Variants in PCIF1 observed in about 807,000 individuals in gnomAD.
PCIF1 encodes the protein mRNA (2'-O-methyladenosine-N(6)-)-methyltransferase.
A neutral mutation model predicts 86.9 loss-of-function variants in PCIF1; 12 were observed. The ratio of observed to expected loss-of-function variants is 0.14; its 90% CI spans 0.09 to 0.22. The LOEUF is 0.22. PCIF1 is among the 10% of genes least tolerant of loss of function. The pLI is 1.00. For synonymous variants in PCIF1, 397 were observed against 372.0 expected (o/e 1.07, Z -0.77); for missense variants, 701 against 951.1 (o/e 0.74, Z 3.46).
At chr20:45,939,601 C>T (rs548278820) in intron 4 of PCIF1, among the ~76,000 whole-genome samples, 26 of 152,370 alleles carry the variant, frequency 1.7e-4, no homozygotes, top group Middle Eastern at 6.8e-3. Flanking sequence ...GACTTGCTCC[C>T]TACGGTCGCA....
intron 12 of PCIF1, 41 bp from the exon 13 acceptor site, chr20:45,945,988 G>T (rs779199095): frequency 1.2e-6 from 2 of 1,613,216 alleles, no homozygotes; most frequent in Admixed American, 1.7e-5. Flanking sequence ...GGACATGAGG[G>T]AGCACTGCTG....
intron 7 of PCIF1, 67 bp downstream of exon 7, chr20:45,941,274 G>A (rs1360417511): frequency 6.5e-7 from 1 of 1,531,390 alleles, no homozygotes; most frequent in Non-Finnish European, 8.8e-7. Flanking sequence ...GGTTTGGCCA[G>A]GCCAGTTTGG....
chr20:45,936,536 A>G (rs1342439145), intron 1 of PCIF1, among the ~76,000 whole-genome samples: 2 of 151,052 alleles, frequency 1.3e-5, no homozygotes, highest in African/African-American at 4.9e-5. Context: ...CCCAGGCTGG[A>G]GCACAGTGGC....
In PCIF1 at chr20:45,947,631, G is replaced by T. The variant is rs763744042; in HGVS notation, c.1991G>T (p.Ser664Ile). The change falls in exon 17 of 17, where the codon AGT (serine) becomes ATT (isoleucine). Residue 664 changes from serine (S) to isoleucine (I), a missense_variant. Transcript: ENST00000372409. The surrounding 1 kb of genome is among the most constrained non-coding windows in gnomAD (Gnocchi z 5.4). ...APTPERLQEL[S>I]AAYRQSGRSH... ...ACGCCTGAACGGCTGCAGGAGCTGA[G>T]TGCTGCCTACCGGCAGTCAGGCCGC... is the stretch of plus-strand genomic sequence containing the variant. 4 of 1,612,712 alleles carry T rather than the reference G, an allele frequency of 2.5e-6. No homozygotes were observed. In the Admixed American group the frequency reaches 6.7e-5, roughly 27 times the overall value.
At chr20:45,944,592 T>C (rs543272587) in intron 10 of PCIF1, among the ~76,000 whole-genome samples, 7 of 152,352 alleles carry the variant, frequency 4.6e-5, no homozygotes, top group African/African-American at 1.7e-4. Flanking sequence ...TGGCATTTAT[T>C]GTACACTTAC....
intron 7 of PCIF1, among the ~76,000 whole-genome samples, chr20:45,942,793 T>TTG (rs888926033): frequency 1.4e-5 from 2 of 146,152 alleles, no homozygotes; most frequent in African/African-American, 2.6e-5. Flanking sequence ...TTTTTTTTTT[T>TTG]GTAGAGACAG....
In PCIF1 at chr20:45,935,843, A is replaced by G. The variant is rs192728522; in HGVS notation, c.-188+1039A>G. 4.3e-3 allele frequency among the ~76,000 whole-genome samples: 655 copies of G among 151,052 alleles called. 2 individuals carry two copies. The highest frequency in any genetic ancestry group is 0.01 in the Middle Eastern group (3 of 294). ...TCTGATTTTTTTTTTTTTTTTACAA[A>G]CTCCAAGATGATTCTGATGCACAGC... On this transcript the variant is annotated intron_variant, in intron 1 of 16. Coordinates refer to ENST00000372409, the MANE Select transcript of PCIF1 (RefSeq NM_022104.4).
intron 1 of PCIF1, among the ~76,000 whole-genome samples, chr20:45,936,978 G>C (rs1036396494): frequency 2.7e-4 from 41 of 152,146 alleles, no homozygotes; most frequent in African/African-American, 9.9e-4. Context: ...GTAGAGCTGG[G>C]GGCTCACTAT....
chr20:45,935,200 G>A (rs1447755450), intron 1 of PCIF1, among the ~76,000 whole-genome samples: 1 of 149,384 alleles, frequency 6.7e-6, no homozygotes, highest in Non-Finnish European at 1.5e-5. Flanking sequence ...AGGTGCGCGC[G>A]CGCGCGCGCG....
Position 45,947,808 on chromosome 20 carries a change from C to T in PCIF1, c.*53C>T, listed in dbSNP as rs2083548439. 2 of 1,562,266 alleles carry T rather than the reference C, an allele frequency of 1.3e-6. No homozygotes were observed. The highest frequency in any genetic ancestry group is 1.7e-6 in the Non-Finnish European group (2 of 1,166,270). On this transcript the variant is annotated 3_prime_UTR_variant, in exon 17 of 17. Coordinates refer to ENST00000372409, the MANE Select transcript of PCIF1 (RefSeq NM_022104.4). This position sits in a 1 kb window ranked among gnomAD's most constrained non-coding sequence, Gnocchi z 5.4. Reference sequence around the variant, plus strand: ...GGGGTGCTAGTCTGGACTGCTGGGACTCGGGCCCCTGGGGCCTCAGAGGGA... The same window carrying T: ...GGGGTGCTAGTCTGGACTGCTGGGATTCGGGCCCCTGGGGCCTCAGAGGGA...
In PCIF1 at chr20:45,947,940, T is replaced by TCCTGATGCCTTCCC; in HGVS notation, c.*186_*199dup. 1 of 1,533,220 alleles carries TCCTGATGCCTTCCC rather than the reference T, an allele frequency of 6.5e-7. No individual in the cohort carries two copies. The highest frequency in any genetic ancestry group is 8.7e-7 in the Non-Finnish European group (1 of 1,146,048). The allele number at this position is 1,533,220 out of a possible 1,614,324, so 95.0% of individuals were successfully genotyped here. ...TCCCTCCAAGTCCCATGTATATAGGTCCTGATGCCTTCCCAACCCCGCCCC... is the reference window on the plus strand; with the variant it reads ...TCCCTCCAAGTCCCATGTATATAGGTCCTGATGCCTTCCCCCTGATGCCTTCCCAACCCCGCCCC... On this transcript the variant is annotated 3_prime_UTR_variant, in exon 17 of 17. Transcript: ENST00000372409. The surrounding 1 kb of genome is among the most constrained non-coding windows in gnomAD (Gnocchi z 5.4).
At chr20:45,945,310 GGATTGTGT>G (rs2145337133) in intron 11 of PCIF1, among the ~76,000 whole-genome samples, 1 of 152,376 alleles carries the variant, frequency 6.6e-6, no homozygotes, top group East Asian at 1.9e-4. Flanking sequence ...CCTGGTGGTA[GGATTGTGT>G]GAGTACTCAT....
Position 45,940,873 on chromosome 20 carries a change from C to T in PCIF1, c.452C>T (p.Pro151Leu), listed in dbSNP as rs1296181752. The T allele has an allele frequency of 1.2e-6, 2 of 1,614,080 alleles. No homozygotes were observed. The highest frequency in any genetic ancestry group is 2.2e-5 in the South Asian group (2 of 91,086). The part of the protein sequence containing the change: ...VPSSPSIPGT[P>L]TLKMWGTSPE... ...AGCTCCCCCAGTATCCCAGGAACCC[C>T]AACGCTGAAGATGTGGGGTACGTCC... Residue 151 changes from proline (P) to leucine (L), a missense_variant, in exon 6 of 17, where the codon CCA (proline) becomes CTA (leucine). Pro to Leu is a moderately conservative substitution (Grantham distance 98). This residue lies in a region of PCIF1 where 125 missense variants were observed against 126.8 expected (regional missense o/e 0.99). Coordinates refer to ENST00000372409, the MANE Select transcript of PCIF1 (RefSeq NM_022104.4).
intron 1 of PCIF1, among the ~76,000 whole-genome samples, chr20:45,936,910 G>A (rs1021068950): frequency 1.1e-4 from 16 of 152,172 alleles, no homozygotes; most frequent in African/African-American, 3.9e-4. Flanking sequence ...CTGGGTGATG[G>A]AGTCTCACTC....
chr20:45,944,788 A>C, intron 10 of PCIF1, 80 bp from the exon 11 acceptor site: 1 of 1,489,196 alleles, frequency 6.7e-7, no homozygotes, highest in African/African-American at 1.4e-5. Flanking sequence ...GCTGGACTCC[A>C]ACAGCCCTGC....
chr20:45,945,809 A>G lies in PCIF1; in HGVS notation c.1267A>G (p.Met423Val), dbSNP rs755008191. 45 of 1,613,772 alleles carry G rather than the reference A, an allele frequency of 2.8e-5. No homozygotes were observed. The Admixed American group carries it at 3.8e-4, about 14-fold the overall frequency. Residue 423 changes from methionine (M) to valine (V), a missense_variant, in exon 12 of 17, where the codon ATG becomes GTG. Met to Val is a conservative substitution (Grantham distance 21, BLOSUM62 1). This residue lies in a region of PCIF1 where 121 missense variants were observed against 131.7 expected (regional missense o/e 0.92). Transcript: ENST00000372409. ...APPMPSVEMH[M>V]ENNVVCIRYK... ...GCCCATGCCCAGCGTGGAGATGCACATGGAGAACAACGTGGTCTGCATCCG... is the reference window on the plus strand; with the variant it reads ...GCCCATGCCCAGCGTGGAGATGCACGTGGAGAACAACGTGGTCTGCATCCG...
At chr20:45,941,615 T>C (rs566014483) in intron 7 of PCIF1, among the ~76,000 whole-genome samples, 1 of 152,036 alleles carries the variant, frequency 6.6e-6, no homozygotes, top group South Asian at 2.1e-4. Flanking sequence ...TACACCACCA[T>C]GCCCAGCTCA....
chr20:45,939,580 T>C (rs2083453040), intron 4 of PCIF1, among the ~76,000 whole-genome samples: 3 of 152,214 alleles, frequency 2.0e-5, no homozygotes, highest in Admixed American at 2.0e-4. Flanking sequence ...GAGGCAGGAA[T>C]GAACAAGGCA....
chr20:45,945,129 T>C (rs1284694526), intron 11 of PCIF1, 99 bp downstream of exon 11: 2 of 1,391,540 alleles, frequency 1.4e-6, no homozygotes, highest in Non-Finnish European at 1.9e-6. Context: ...AGGGACTGGT[T>C]TGGGGCAGAA....
Sources: gnomAD v4.1 joint callset for allele counts (sites outside exome capture counted in the v4.1 genomes callset) on GRCh38, gnomAD v4.1.1 for gene constraint, gnomAD v4.1.1 regional missense constraint, Gnocchi (gnomAD v3.1) non-coding constraint, MANE v1.5 for transcripts, NCBI Gene and HGNC (gene_info 2026-07-23, HGNC 2026-07-21) for gene names.